Variants in EBF3 observed in about 807,000 individuals in gnomAD.
EBF3 encodes the protein transcription factor COE3.
Under a neutral mutation model 77.1 loss-of-function variants are expected in EBF3, and 18 were observed. The ratio of observed to expected loss-of-function variants is 0.23; its 90% CI spans 0.16 to 0.35. The LOEUF (loss-of-function observed/expected upper bound fraction) is 0.35, where lower values mean the gene tolerates loss of function less well. Among genes scored for constraint, EBF3 ranks in the 10% least tolerant of loss-of-function variants. EBF3 has a pLI of 1.00. For missense variants in EBF3, 558 were observed against 860.0 expected (o/e 0.65, Z 4.39); for synonymous variants, 350 against 343.5 (o/e 1.02, Z -0.21).
chr10:129,877,979 G>A (rs1852913526), intron 6 of EBF3, 130 bp from the exon 7 acceptor site: 4 of 691,624 alleles, frequency 5.8e-6, no homozygotes, highest in East Asian at 2.8e-5. Flanking sequence ...CCTCTAGGGG[G>A]CGACATTGAG....
intron 6 of EBF3, among the ~76,000 whole-genome samples, chr10:129,884,005 C>T (rs75560029): frequency 0.02 from 3,108 of 152,250 alleles, 94 homozygotes; most frequent in African/African-American, 0.065. Flanking sequence ...TCATGGGGGC[C>T]GGTGGCTGCA....
intron 11 of EBF3, among the ~76,000 whole-genome samples, chr10:129,846,269 G>A (rs928597959): frequency 5.9e-5 from 9 of 151,834 alleles, no homozygotes; most frequent in Non-Finnish European, 1.2e-4. Context: ...AACACTATTC[G>A]CGTGCATCCA....
Position 129,842,148 on chromosome 10 carries a change from T to C in EBF3, c.1340A>G (p.Asn447Ser). The C allele has an allele frequency of 2.5e-6, 4 of 1,614,254 alleles. 1 individual carries two copies. In the Middle Eastern group the frequency reaches 4.9e-4, roughly 200 times the overall value. ...GTTGGCTTGTGACGTCTCTGACACG[T>C]TGACGGCTAGCTGGCTGCTGAAGGA... is the stretch of plus-strand genomic sequence containing the variant. ...VNSFSSQLAV[N>S]VSETSQANDQ... Residue 447 changes from asparagine to serine, a missense_variant, in exon 13 of 17, where the codon AAC (asparagine) becomes AGC (serine). Transcript: ENST00000440978. This position sits in a 1 kb window ranked among gnomAD's most constrained non-coding sequence, Gnocchi z 4.4.
chr10:129,956,677 T>C (rs941471351), intron 6 of EBF3, among the ~76,000 whole-genome samples: 3 of 152,252 alleles, frequency 2.0e-5, no homozygotes, highest in African/African-American at 4.8e-5. Context: ...TGAAAATTAA[T>C]GTTGGAACAT....
intron 6 of EBF3, among the ~76,000 whole-genome samples, chr10:129,900,418 C>G (rs548040615): frequency 6.6e-6 from 1 of 152,108 alleles, no homozygotes; most frequent in Non-Finnish European, 1.5e-5. Context: ...TGGAGAGAGG[C>G]ACACGGGGAG....
intron 16 of EBF3, among the ~76,000 whole-genome samples, chr10:129,838,349 G>A (rs1849755194): frequency 2.0e-5 from 3 of 152,228 alleles, no homozygotes; most frequent in Non-Finnish European, 4.4e-5. Flanking sequence ...GACCCAGCCT[G>A]GTCACTCCCG....
intron 6 of EBF3, among the ~76,000 whole-genome samples, chr10:129,930,441 C>G (rs1241419470): frequency 1.3e-5 from 2 of 150,930 alleles, no homozygotes; most frequent in Non-Finnish European, 2.9e-5. Context: ...TCTCATATAT[C>G]TGTATCTATA....
At chr10:129,840,210 C>A in intron 15 of EBF3, 35 bp downstream of exon 15, 1 of 1,528,954 alleles carries the variant, frequency 6.5e-7, no homozygotes, top group South Asian at 1.2e-5. Context: ...CTGGAGAGGA[C>A]CCAGCACTGG....
At chr10:129,961,444 T>C (rs561771053) in intron 4 of EBF3, among the ~76,000 whole-genome samples, 1 of 152,328 alleles carries the variant, frequency 6.6e-6, no homozygotes, top group African/African-American at 2.4e-5. Context: ...GACGCACTTT[T>C]CTCCACTTAA....
At chr10:129,888,204 C>G (rs1320068564) in intron 6 of EBF3, among the ~76,000 whole-genome samples, 76 of 152,200 alleles carry the variant, frequency 5.0e-4, no homozygotes, top group Non-Finnish European at 1.3e-4. Flanking sequence ...GGAGCAGCAC[C>G]CGCTATGGCT....
intron 6 of EBF3, among the ~76,000 whole-genome samples, chr10:129,933,903 A>C (rs528250581): frequency 6.6e-6 from 1 of 150,720 alleles, no homozygotes; most frequent in African/African-American, 2.4e-5. Context: ...GCTCAGCCCC[A>C]CTCTCTCTCA....
intron 6 of EBF3, among the ~76,000 whole-genome samples, chr10:129,883,091 A>G (rs1054115164): frequency 2.0e-5 from 3 of 152,198 alleles, no homozygotes; most frequent in Non-Finnish European, 4.4e-5. Context: ...CCTACTTCTC[A>G]GCATCTCAGG....
chr10:129,888,120 G>A (rs1853740912), intron 6 of EBF3, among the ~76,000 whole-genome samples: 1 of 152,208 alleles, frequency 6.6e-6, no homozygotes, highest in African/African-American at 2.4e-5. Flanking sequence ...TCGATGGAAC[G>A]TGGGCGTGCT....
At chr10:129,937,759 C>T (rs1857460691) in intron 6 of EBF3, among the ~76,000 whole-genome samples, 1 of 152,158 alleles carries the variant, frequency 6.6e-6, no homozygotes, top group African/African-American at 2.4e-5. Flanking sequence ...CCGGGCTGTC[C>T]CTGGCAGCCA....
chr10:129,910,040 G>A (rs1855415952), intron 6 of EBF3, among the ~76,000 whole-genome samples: 1 of 152,220 alleles, frequency 6.6e-6, no homozygotes. Flanking sequence ...AGTAAGCAAC[G>A]CGTGGAGAGG....
chr10:129,874,356 C>T (rs1429777548), intron 7 of EBF3, among the ~76,000 whole-genome samples: 1 of 152,130 alleles, frequency 6.6e-6, no homozygotes, highest in Non-Finnish European at 1.5e-5. Flanking sequence ...CTCTTAAGCC[C>T]TCAGCTGCCT....
chr10:129,958,865 G>A, intron 5 of EBF3, 69 bp downstream of exon 5: 2 of 1,507,564 alleles, frequency 1.3e-6, no homozygotes, highest in Non-Finnish European at 8.8e-7. Context: ...GCCTGGACGC[G>A]GCGTCCTTTG....
intron 6 of EBF3, among the ~76,000 whole-genome samples, chr10:129,909,676 C>A (rs973665385): frequency 6.6e-6 from 1 of 152,190 alleles, no homozygotes; most frequent in Non-Finnish European, 1.5e-5. Flanking sequence ...CAGCACTGTG[C>A]ATGCTGGGTG....
At chr10:129,910,138 G>T (rs1346939286) in intron 6 of EBF3, among the ~76,000 whole-genome samples, 1 of 152,234 alleles carries the variant, frequency 6.6e-6, no homozygotes, top group Non-Finnish European at 1.5e-5. Context: ...GGACCGCCGG[G>T]CCAGGGGCCA....
Sources: gnomAD v4.1 joint callset for allele counts (sites outside exome capture counted in the v4.1 genomes callset) on GRCh38, gnomAD v4.1.1 for gene constraint, Gnocchi (gnomAD v3.1) non-coding constraint, MANE v1.5 for transcripts, NCBI Gene and HGNC (gene_info 2026-07-23, HGNC 2026-07-21) for gene names.